MEF2C: variants seen among roughly 807,000 people sequenced by gnomAD.
The protein encoded by MEF2C is myocyte-specific enhancer factor 2C.
A neutral mutation model predicts 50.5 loss-of-function variants in MEF2C; 6 were observed. That is an observed-to-expected ratio of 0.12 (90% CI 0.07 to 0.23). The LOEUF (loss-of-function observed/expected upper bound fraction) is 0.23. Among genes scored for constraint, MEF2C ranks in the 10% least tolerant of loss-of-function variants. The pLI, the probability that MEF2C is intolerant of heterozygous loss-of-function variation, is 1.00. For synonymous variants in MEF2C, 183 were observed against 228.0 expected (o/e 0.80, Z 1.78); for missense variants, 276 against 605.0 (o/e 0.46, Z 5.70).
intron 4 of MEF2C, among the ~76,000 whole-genome samples, chr5:88,756,258 T>C (rs1775238773): frequency 6.6e-6 from 1 of 152,180 alleles, no homozygotes; most frequent in South Asian, 2.1e-4. Context: ...ATTACCCAAA[T>C]AGTGAACATT....
intron 2 of MEF2C, among the ~76,000 whole-genome samples, chr5:88,806,640 A>ATCACCTTT (rs981642672): frequency 6.6e-6 from 1 of 152,084 alleles, no homozygotes; most frequent in African/African-American, 2.4e-5. Flanking sequence ...TTTGTTAATT[A>ATCACCTTT]TTGTTTTACT....
chr5:88,798,925 G>C (rs977935112), intron 3 of MEF2C, among the ~76,000 whole-genome samples: 1 of 152,210 alleles, frequency 6.6e-6, no homozygotes, highest in African/African-American at 2.4e-5. Flanking sequence ...GCTGGAGTTT[G>C]CTGGAGGTCT....
intron 3 of MEF2C, among the ~76,000 whole-genome samples, chr5:88,762,221 A>G (rs1410989675): frequency 6.6e-6 from 1 of 152,248 alleles, no homozygotes; most frequent in Non-Finnish European, 1.5e-5. Context: ...TCACAGAAGA[A>G]TAAATACTAA....
chr5:88,739,912 T>C (rs1239760627), intron 6 of MEF2C: 1 of 985,218 alleles, frequency 1.0e-6, no homozygotes, highest in Non-Finnish European at 1.2e-6. Flanking sequence ...TTAGGGATTC[T>C]TACACACAAA....
At chr5:88,840,474 T>C (rs1009534242) in intron 1 of MEF2C, among the ~76,000 whole-genome samples, 62 of 152,230 alleles carry the variant, frequency 4.1e-4, no homozygotes, top group Non-Finnish European at 8.8e-5. Context: ...AAAAGTGCTT[T>C]TGTTGTATAT....
chr5:88,814,497 A>G (rs184477725), intron 2 of MEF2C, among the ~76,000 whole-genome samples: 1 of 152,166 alleles, frequency 6.6e-6, no homozygotes, highest in East Asian at 1.9e-4. Flanking sequence ...AAAGGGGACT[A>G]TTGTCCTCGT....
intron 3 of MEF2C, chr5:88,782,181 C>T: frequency 3.1e-6 from 3 of 981,802 alleles, no homozygotes; most frequent in Non-Finnish European, 3.6e-6. Flanking sequence ...TAAAATAAAC[C>T]TCCTAGGCCA....
chr5:88,725,711 G>A (rs1758407612), intron 10 of MEF2C, among the ~76,000 whole-genome samples: 1 of 152,002 alleles, frequency 6.6e-6, no homozygotes, highest in Admixed American at 6.6e-5. Flanking sequence ...AAACATGACT[G>A]GATAGTTTTA....
In MEF2C at chr5:88,717,689, ATCTT is replaced by A. The variant is rs762224163; in HGVS notation, c.*4911_*4914del. The A allele has an allele frequency of 5.3e-5, 8 of 152,092 alleles. No homozygotes were observed. Among genetic ancestry groups the A allele is most frequent in the African/African-American group, 1.2e-4 (5 of 41,412 alleles). 9.4% of individuals were successfully genotyped at this position (152,092 alleles called of 1,614,324 possible). On this transcript the variant is annotated 3_prime_UTR_variant, in exon 11 of 11. Coordinates refer to ENST00000504921, the MANE Select transcript of MEF2C (RefSeq NM_002397.5). Reference sequence around the variant, plus strand: ...GTTTTCCTTTTCAGTTTTTAAATTAATCTTTCTATCAATCTTTTTAAGGACATTC... The same window carrying A: ...GTTTTCCTTTTCAGTTTTTAAATTAATCTATCAATCTTTTTAAGGACATTC...
At chr5:88,831,514 G>A (rs900913271) in intron 1 of MEF2C, among the ~76,000 whole-genome samples, 1 of 151,764 alleles carries the variant, frequency 6.6e-6, no homozygotes, top group Non-Finnish European at 1.5e-5. Context: ...ACCTTGAAAT[G>A]GGAAGAAATA....
chr5:88,832,813 T>C (rs1330935712), intron 1 of MEF2C, among the ~76,000 whole-genome samples: 1 of 152,162 alleles, frequency 6.6e-6, no homozygotes, highest in Admixed American at 6.6e-5. Context: ...TATAAACAAA[T>C]ACACTGTATT....
chr5:88,852,248 A>G (rs1377705708), intron 1 of MEF2C, among the ~76,000 whole-genome samples: 2 of 152,202 alleles, frequency 1.3e-5, no homozygotes, highest in Non-Finnish European at 2.9e-5. Flanking sequence ...TATATAATTA[A>G]AAAGTTAATT....
chr5:88,792,021 A>G (rs1264222329), intron 3 of MEF2C, among the ~76,000 whole-genome samples: 1 of 152,100 alleles, frequency 6.6e-6, no homozygotes, highest in African/African-American at 2.4e-5. Context: ...CACTAGCAGT[A>G]AGATCTATAT....
chr5:88,853,053 G>GT (rs1821966284), intron 1 of MEF2C, among the ~76,000 whole-genome samples: 1 of 152,138 alleles, frequency 6.6e-6, no homozygotes, highest in Non-Finnish European at 1.5e-5. Flanking sequence ...GCAAGACACT[G>GT]TCTCTGTAAA....
intron 1 of MEF2C, among the ~76,000 whole-genome samples, chr5:88,837,486 ACT>A (rs1477769271): frequency 1.3e-5 from 2 of 152,070 alleles, no homozygotes; most frequent in Admixed American, 1.3e-4. Flanking sequence ...TTGGAGTCAG[ACT>A]CTCAGTTGGG....
In MEF2C at chr5:88,839,351, C is replaced by A. The variant is rs1645080; in HGVS notation, c.-142-15421G>T. Reference sequence around the variant, plus strand: ...TCTCTCTCTCTCTCTCTCTCTCTCTCTCTATCTATCTATCTCTACCTACCT... The same window carrying A: ...TCTCTCTCTCTCTCTCTCTCTCTCTATCTATCTATCTATCTCTACCTACCT... On this transcript the variant is annotated intron_variant, in intron 1 of 10. Transcript: ENST00000504921. 572 of 146,382 alleles carry A rather than the reference C, an allele frequency of 3.9e-3. 4 individuals are homozygous for A. Among genetic ancestry groups the A allele is most frequent in the African/African-American group, 0.011 (418 of 38,362 alleles). 9.1% of individuals were successfully genotyped at this position (146,382 alleles called of 1,614,324 possible).
chr5:88,875,710 C>T (rs1405475317), intron 1 of MEF2C, among the ~76,000 whole-genome samples: 2 of 151,962 alleles, frequency 1.3e-5, no homozygotes, highest in Non-Finnish European at 2.9e-5. Context: ...AAACATTATA[C>T]TTTTCCTTTC....
intron 2 of MEF2C, among the ~76,000 whole-genome samples, chr5:88,812,213 C>T (rs552580925): frequency 9.9e-5 from 15 of 152,034 alleles, no homozygotes; most frequent in African/African-American, 2.4e-4. Flanking sequence ...TAGTTTTTCT[C>T]GAGTACCTGG....
rs1410810782 is a variant in MEF2C at position 88,717,910 on chromosome 5, C to G, written c.*4694G>C. The G allele has an allele frequency of 6.6e-6, 1 of 152,134 alleles. No homozygotes were observed. 9.4% of individuals were successfully genotyped at this position (152,134 alleles called of 1,614,324 possible). On this transcript the variant is annotated 3_prime_UTR_variant, in exon 11 of 11. Transcript: ENST00000504921. ...AGTTAAAAAATAACTTATGGTACTG[C>G]TTTTCACAGTGGCTTTTGAAAAATT...
Sources: allele counts gnomAD v4.1 joint callset (sites outside exome capture counted in the v4.1 genomes callset), GRCh38; gene constraint gnomAD v4.1.1; transcripts MANE v1.5; gene names NCBI Gene and HGNC (gene_info 2026-07-23, HGNC 2026-07-21).